RAD51B: variants seen among roughly 807,000 people sequenced by gnomAD.
RAD51B encodes the protein RAD51 paralog B, also known as DNA repair protein RAD51 homolog 2.
RAD51B carries 38 observed loss-of-function variants against 42.2 expected under a neutral mutation model. The observed-to-expected ratio is 0.90, with a 90% CI of 0.70 to 1.18. The LOEUF (loss-of-function observed/expected upper bound fraction) is 1.18, where lower values mean the gene tolerates loss of function less well. Among genes scored for constraint, RAD51B ranks in the 50% most tolerant of loss-of-function variants. The pLI, the probability that RAD51B is intolerant of heterozygous loss-of-function variation, is 0.00. For missense variants in RAD51B, 373 were observed against 400.7 expected, an observed-to-expected ratio of 0.93 and a Z score of 0.59; for synonymous variants, 154 against 145.2, an observed-to-expected ratio of 1.06 and a Z score of -0.43.
intron 7 of RAD51B, among the ~76,000 whole-genome samples, chr14:67,978,346 T>A (rs1310567886): frequency 6.6e-6 from 1 of 152,224 alleles, no homozygotes; most frequent in Non-Finnish European, 1.5e-5. Context: ...CTTATAAATA[T>A]ATTTCTTTGG....
intron 10 of RAD51B, among the ~76,000 whole-genome samples, chr14:68,498,058 T>C (rs1286955213): frequency 3.3e-5 from 5 of 152,228 alleles, no homozygotes; most frequent in Non-Finnish European, 7.3e-5. Context: ...ATATGGTGAT[T>C]CTATGTTTAA....
chr14:68,062,814 C>CAA (rs962527138), intron 7 of RAD51B, among the ~76,000 whole-genome samples: 25 of 39,632 alleles, frequency 6.3e-4, no homozygotes, highest in South Asian at 1.5e-3. Flanking sequence ...GACTCTGTGA[C>CAA]AAAAAAAAAA....
At chr14:68,182,576 CGT>C (rs141234201) in intron 7 of RAD51B, among the ~76,000 whole-genome samples, 27 of 151,432 alleles carry the variant, frequency 1.8e-4, no homozygotes, top group African/African-American at 4.3e-4. Flanking sequence ...CATGCATACA[CGT>C]GTGTGTGTGT....
intron 7 of RAD51B, among the ~76,000 whole-genome samples, chr14:67,893,909 G>A (rs567702384): frequency 2.7e-4 from 41 of 152,140 alleles, no homozygotes; most frequent in Non-Finnish European, 4.4e-4. Flanking sequence ...TCTTGGCTCC[G>A]CTTTCGAAAT....
At chr14:68,119,019 C>T (rs7160068) in intron 7 of RAD51B, among the ~76,000 whole-genome samples, 15,132 of 151,708 alleles carry the variant, frequency 0.1, 2,261 homozygotes, top group African/African-American at 0.33. Context: ...TGCAGTTGTG[C>T]GATCATGGCT....
chr14:67,967,172 G>A (rs576257234), intron 7 of RAD51B, among the ~76,000 whole-genome samples: 66 of 152,226 alleles, frequency 4.3e-4, no homozygotes, highest in Middle Eastern at 3.4e-3. Flanking sequence ...TCACTACCAC[G>A]AAAACAGTGT....
At chr14:67,876,815 C>T (rs947908755) in intron 5 of RAD51B, among the ~76,000 whole-genome samples, 1 of 151,964 alleles carries the variant, frequency 6.6e-6, no homozygotes, top group African/African-American at 2.4e-5. Context: ...GTTGGGAAGT[C>T]GGTGGTGTTT....
At chr14:68,056,358 A>G (rs775206868) in intron 7 of RAD51B, among the ~76,000 whole-genome samples, 6 of 151,994 alleles carry the variant, frequency 3.9e-5, no homozygotes, top group Non-Finnish European at 8.8e-5. Context: ...CATGTTGGTC[A>G]GGCTGGTCTC....
chr14:68,610,702 T>C (rs1367017188), intron 10 of RAD51B, among the ~76,000 whole-genome samples: 1 of 152,198 alleles, frequency 6.6e-6, no homozygotes, highest in Admixed American at 6.5e-5. Context: ...CCTCCTGTTC[T>C]TTACATCCAT....
intron 7 of RAD51B, among the ~76,000 whole-genome samples, chr14:68,050,208 T>TA (rs1464524507): frequency 1.3e-5 from 2 of 152,156 alleles, no homozygotes; most frequent in Non-Finnish European, 2.9e-5. Context: ...GTAAAGCTGG[T>TA]ACCCTTCAAA....
chr14:68,425,979 C>CTTTCTTT (rs1555408046), intron 9 of RAD51B, among the ~76,000 whole-genome samples: 1,262 of 58,334 alleles, frequency 0.022, 8 homozygotes, highest in Middle Eastern at 0.04. Flanking sequence ...TTTCTTTCTT[C>CTTTCTTT]CTTCCTTCCT....
intron 10 of RAD51B, among the ~76,000 whole-genome samples, chr14:68,503,287 G>A (rs971269409): frequency 3.3e-5 from 5 of 152,160 alleles, no homozygotes; most frequent in African/African-American, 1.2e-4. Context: ...CCAGGAGCAT[G>A]GGAGAAATTG....
At chr14:67,916,128 A>G (rs1229548042) in intron 7 of RAD51B, among the ~76,000 whole-genome samples, 1 of 152,236 alleles carries the variant, frequency 6.6e-6, no homozygotes, top group Non-Finnish European at 1.5e-5. Context: ...TGGTTCCCAG[A>G]TAGATAGTTG....
intron 8 of RAD51B, among the ~76,000 whole-genome samples, chr14:68,405,025 G>C (rs926070797): frequency 1.3e-5 from 2 of 152,186 alleles, no homozygotes; most frequent in Non-Finnish European, 2.9e-5. Flanking sequence ...TTAAAACTCA[G>C]TTGGCCTGGT....
chr14:68,575,226 T>A (rs1244089388), intron 10 of RAD51B, among the ~76,000 whole-genome samples: 1 of 152,210 alleles, frequency 6.6e-6, no homozygotes, highest in African/African-American at 2.4e-5. Flanking sequence ...ATATGGAGTT[T>A]ATTTATTCCC....
At chr14:67,939,736 A>C (rs978530639) in intron 7 of RAD51B, among the ~76,000 whole-genome samples, 3 of 151,956 alleles carry the variant, frequency 2.0e-5, no homozygotes, top group African/African-American at 4.8e-5. Flanking sequence ...ATGTCTTCAC[A>C]TGGCTGTTCC....
intron 11 of RAD51B, among the ~76,000 whole-genome samples, chr14:68,681,215 C>T (rs144680574): frequency 7.0e-4 from 106 of 152,126 alleles, no homozygotes; most frequent in African/African-American, 2.3e-3. Flanking sequence ...GGGCATTATT[C>T]GATTTTTGAA....
chr14:68,127,121 T>A (rs1944259732), intron 7 of RAD51B, among the ~76,000 whole-genome samples: 1 of 152,154 alleles, frequency 6.6e-6, no homozygotes, highest in African/African-American at 2.4e-5. Context: ...CTCATATATG[T>A]GCCTCAAATT....
chr14:67,900,033 G>A (rs928983553), intron 7 of RAD51B, among the ~76,000 whole-genome samples: 1 of 152,056 alleles, frequency 6.6e-6, no homozygotes, highest in Non-Finnish European at 1.5e-5. Flanking sequence ...AATACTTATT[G>A]TTTCCTCTAA....
Sources: gnomAD v4.1 joint callset for allele counts (sites outside exome capture counted in the v4.1 genomes callset) on GRCh38, gnomAD v4.1.1 for gene constraint, MANE v1.5 for transcripts, NCBI Gene and HGNC (gene_info 2026-07-23, HGNC 2026-07-21) for gene names.